Variants in RAD21L1 observed in about 807,000 individuals in gnomAD.
RAD21L1 encodes double-strand-break repair protein rad21-like protein 1.
A neutral mutation model predicts 69.0 loss-of-function variants in RAD21L1; 47 were observed. The ratio of observed to expected loss-of-function variants is 0.68; its 90% CI spans 0.54 to 0.87. The LOEUF is 0.87. Ranked by LOEUF, RAD21L1 falls within the 40% of genes least tolerant of loss-of-function variation. The probability of loss-of-function intolerance (pLI) is 0.00; values close to 1 mark genes in which losing one functional copy is unlikely to be tolerated. For missense variants in RAD21L1, 583 were observed against 647.6 expected (o/e 0.90, Z 1.08); for synonymous variants, 177 against 205.8 (o/e 0.86, Z 1.20).
chr20:1,236,929 G>C (rs17779298), intron 5 of RAD21L1, among the ~76,000 whole-genome samples: 7,655 of 152,210 alleles, frequency 0.05, 246 homozygotes, highest in South Asian at 0.095. Flanking sequence ...TTCTCTGATT[G>C]ACCAACGCTG....
At chr20:1,232,029 T>C (rs1037714088) in intron 4 of RAD21L1, among the ~76,000 whole-genome samples, 2 of 151,910 alleles carry the variant, frequency 1.3e-5, no homozygotes, top group Admixed American at 1.3e-4. Flanking sequence ...GAAAATGAAA[T>C]AAATAAACAG....
In RAD21L1 at chr20:1,238,187, G is replaced by A. The variant is rs1412384034; in HGVS notation, c.619G>A (p.Asp207Asn). Residue 207 changes from aspartate (D) to asparagine (N), a missense_variant, in exon 6 of 14, where the codon GAT becomes AAT. Transcript: ENST00000683101. ...LFYDSGDGFG[D>N]EGAAGEMIDN... ...CTATGACAGTGGAGATGGGTTTGGA[G>A]ATGAAGGAGCTGCAGGAGAAATGAT... 6.6e-7 allele frequency: 1 copy of A among 1,522,598 alleles called. No homozygotes were observed. The allele number at this position is 1,522,598 out of a possible 1,614,324, so 94.3% of individuals were successfully genotyped here. A position where few individuals can be genotyped will look rare whatever the true frequency, so the allele number is the denominator to read the frequency against.
intron 3 of RAD21L1, among the ~76,000 whole-genome samples, 199 bp from the exon 4 acceptor site, chr20:1,231,327 T>G (rs1179140442): frequency 1.3e-5 from 2 of 151,972 alleles, no homozygotes; most frequent in Non-Finnish European, 2.9e-5. Context: ...TAAATCATTT[T>G]AAGGCATCTA....
intron 13 of RAD21L1, among the ~76,000 whole-genome samples, chr20:1,250,301 C>T (rs1294621201): frequency 6.0e-5 from 9 of 148,918 alleles, no homozygotes; most frequent in Admixed American, 3.4e-4. Context: ...ATGTGCACAA[C>T]GTGCAGGTTT....
chr20:1,239,174 T>G, intron 6 of RAD21L1, 138 bp from the exon 7 acceptor site: 1 of 583,680 alleles, frequency 1.7e-6, no homozygotes, highest in South Asian at 2.3e-5. Context: ...TATCAAATCT[T>G]TTTTAAAATT....
intron 5 of RAD21L1, among the ~76,000 whole-genome samples, chr20:1,237,165 A>G (rs1392160489): frequency 6.6e-6 from 1 of 152,160 alleles, no homozygotes; most frequent in East Asian, 1.9e-4. Context: ...ATGGGTTGTT[A>G]GAGGGAGGAG....
chr20:1,241,237 AC>A (rs2087601430), intron 8 of RAD21L1, among the ~76,000 whole-genome samples: 1 of 152,250 alleles, frequency 6.6e-6, no homozygotes, highest in Non-Finnish European at 1.5e-5. Flanking sequence ...AGCTTAGAAA[AC>A]AATCTAGTCA....
At chr20:1,234,338 T>C in intron 5 of RAD21L1, 147 bp downstream of exon 5, 3 of 591,296 alleles carry the variant, frequency 5.1e-6, no homozygotes, top group Non-Finnish European at 9.2e-6. Context: ...TGCCTTTTTC[T>C]AGTATAGATG....
intron 8 of RAD21L1, 55 bp from the exon 9 acceptor site, chr20:1,242,564 T>A (rs1236598157): frequency 1.5e-6 from 2 of 1,349,296 alleles, no homozygotes; most frequent in African/African-American, 2.9e-5. Flanking sequence ...GTGCCTACAA[T>A]ATGATTTTAG....
chr20:1,230,375 T>C (rs964643138), intron 3 of RAD21L1: 1 of 185,886 alleles, frequency 5.4e-6, no homozygotes, highest in African/African-American at 2.4e-5. Context: ...AACAGAGATA[T>C]CAGTAATTGT....
Position 1,246,337 on chromosome 20 carries a change from TA to T in RAD21L1, c.1401+37del. On this transcript the variant is annotated intron_variant, in intron 12 of 13. Transcript: ENST00000683101. This position sits in a 1 kb window ranked among gnomAD's most constrained non-coding sequence, Gnocchi z 4.6. ...ATATGTGTAGTCTTGGGGATGTTCT[TA>T]AAAACTTTATTCCTAAATATTTAAC... The T allele has an allele frequency of 8.7e-7, 1 of 1,143,496 alleles. No homozygotes were observed. The highest frequency in any genetic ancestry group is 3.1e-5 in the Admixed American group (1 of 32,352). The allele number at this position is 1,143,496 out of a possible 1,614,324, so 70.8% of individuals were successfully genotyped here. A position where few individuals can be genotyped will look rare whatever the true frequency, so the allele number is the denominator to read the frequency against.
chr20:1,247,732 A>G, intron 12 of RAD21L1, among the ~76,000 whole-genome samples: 1 of 152,110 alleles, frequency 6.6e-6, no homozygotes, highest in South Asian at 2.1e-4. Flanking sequence ...AGTCTATGAA[A>G]TTGAAAGCAC....
intron 5 of RAD21L1, 105 bp from the exon 6 acceptor site, chr20:1,237,939 T>G: frequency 3.7e-6 from 2 of 538,362 alleles, no homozygotes; most frequent in Non-Finnish European, 6.2e-6. Flanking sequence ...ATCTATAAAA[T>G]GAGGTGTTGG....
At chr20:1,227,371 G>T (rs1211017389) in intron 1 of RAD21L1, among the ~76,000 whole-genome samples, 2 of 152,246 alleles carry the variant, frequency 1.3e-5, no homozygotes, top group Non-Finnish European at 2.9e-5. Flanking sequence ...TGCCCCGTAG[G>T]GGAACATGGT....
chr20:1,252,521 T>C (rs544247499), intron 13 of RAD21L1, among the ~76,000 whole-genome samples: 4 of 152,022 alleles, frequency 2.6e-5, no homozygotes, highest in Non-Finnish European at 5.9e-5. Context: ...CTGTTCAGAG[T>C]GTAGAATTTC....
At chr20:1,231,671 T>G in intron 4 of RAD21L1, 52 bp downstream of exon 4, 1 of 946,346 alleles carries the variant, frequency 1.1e-6, no homozygotes, top group East Asian at 2.6e-5. Context: ...ATATTTGTTT[T>G]TATATTCAAA....
chr20:1,242,668 T>C lies in RAD21L1; in HGVS notation c.906T>C (p.Pro302=), dbSNP rs371925894. ...AAAAGAGGAGATTGCTCATAGATCC[T>C]ATCAAGGAGCTCAGTAGCAAAGTTA... The part of the protein sequence containing the change: ...KGKKRRLLID[P]IKELSSKVIH... Residue 302 remains proline, a synonymous_variant, in exon 9 of 14, where the codon CCT becomes CCC. Transcript: ENST00000683101. 1.9e-5 allele frequency: 30 copies of C among 1,551,488 alleles called. No homozygotes were observed. The African/African-American group carries it at 2.5e-4, about 13-fold the overall frequency.
chr20:1,232,425 G>C (rs2087410408), intron 4 of RAD21L1, among the ~76,000 whole-genome samples: 1 of 152,206 alleles, frequency 6.6e-6, no homozygotes, highest in South Asian at 2.1e-4. Flanking sequence ...AAGCACATGA[G>C]AAAGTTATTG....
In RAD21L1 at chr20:1,246,987, C is replaced by T. The variant is rs1447422509; in HGVS notation, c.1401+682C>T. On this transcript the variant is annotated intron_variant, in intron 12 of 13. Transcript: ENST00000683101. This position sits in a 1 kb window ranked among gnomAD's most constrained non-coding sequence, Gnocchi z 4.6. ...TGTTAATTTGCTTCTATAAAATTAT[C>T]TATATATTGAGTTCCAAGACTCTTT... Among the ~76,000 whole-genome samples the T allele has an allele frequency of 6.6e-6, 1 of 152,074 alleles. No homozygotes were observed. Among genetic ancestry groups the T allele is most frequent in the Non-Finnish European group, 1.5e-5 (1 of 67,992 alleles).
Sources: allele counts gnomAD v4.1 joint callset (sites outside exome capture counted in the v4.1 genomes callset), GRCh38; gene constraint gnomAD v4.1.1; non-coding constraint Gnocchi (gnomAD v3.1); transcripts MANE v1.5; gene names NCBI Gene and HGNC (gene_info 2026-07-23, HGNC 2026-07-21).